The following STRA8 variants were observed in gnomAD, a reference collection of about 807,000 sequenced individuals.
The protein encoded by STRA8 is stimulated by retinoic acid 8.
A neutral mutation model predicts 37.1 loss-of-function variants in STRA8; 18 were observed. The observed-to-expected ratio is 0.48, with a 90% confidence interval of 0.34 to 0.72. The LOEUF (loss-of-function observed/expected upper bound fraction) is 0.72. Among genes scored for constraint, STRA8 ranks in the 30% least tolerant of loss-of-function variants. The probability of loss-of-function intolerance (pLI) is 0.01; values close to 1 mark genes in which losing one functional copy is unlikely to be tolerated. For missense variants in STRA8, 357 were observed against 410.4 expected (o/e 0.87, Z 1.13); for synonymous variants, 168 against 162.9 (o/e 1.03, Z -0.24).
chr7:135,242,710 A>C, intron 2 of STRA8, 71 bp from the exon 3 acceptor site: 1 of 1,494,616 alleles, frequency 6.7e-7, no homozygotes, highest in Non-Finnish European at 9.3e-7. Flanking sequence ...CTGGGAAGGG[A>C]TTCCTGGGTC....
intron 1 of STRA8, among the ~76,000 whole-genome samples, chr7:135,234,934 T>C (rs866655335): frequency 3.3e-5 from 5 of 152,352 alleles, no homozygotes; most frequent in South Asian, 2.1e-4. Context: ...TGGAGTGCAG[T>C]AGCATGATCT....
chr7:135,246,761 T>TG lies in STRA8; in HGVS notation c.879+63dup, dbSNP rs1443586804. ...CACGGGAACCACCCTCGCCCTCGCC[T>TG]GGGGACACCAGGGCTTTGCATTTAG... On this transcript the variant is annotated intron_variant, in intron 6 of 8. Transcript: ENST00000662584. The surrounding 1 kb of genome is among the most constrained non-coding windows in gnomAD (Gnocchi z 5.4). 17 of 1,455,176 alleles carry TG rather than the reference T, an allele frequency of 1.2e-5. No individual in the cohort carries two copies. The highest frequency in any genetic ancestry group is 1.5e-5 in the Non-Finnish European group (17 of 1,107,940). 90.1% of individuals were successfully genotyped at this position (1,455,176 alleles called of 1,614,324 possible).
chr7:135,252,020 G>GTGTA (rs1317352778), intron 7 of STRA8, 151 bp downstream of exon 7: 1 of 674,532 alleles, frequency 1.5e-6, no homozygotes, highest in Admixed American at 2.2e-5. Flanking sequence ...GAGAGTGTGT[G>GTGTA]TGTGTGTGTG....
intron 2 of STRA8, among the ~76,000 whole-genome samples, chr7:135,242,256 AAGGGAAAG>A (rs1832478828): frequency 1.3e-5 from 2 of 150,726 alleles, no homozygotes; most frequent in South Asian, 4.2e-4. Flanking sequence ...GGGAGGGAAA[AAGGGAAAG>A]AGGGAAATTT....
intron 8 of STRA8, among the ~76,000 whole-genome samples, chr7:135,257,367 G>T (rs1232100842): frequency 6.6e-6 from 1 of 152,226 alleles, no homozygotes; most frequent in Non-Finnish European, 1.5e-5. Context: ...GTCATGGAGA[G>T]TCCTGAGGTG....
intron 3 of STRA8, 27 bp downstream of exon 3, chr7:135,242,883 A>G (rs1832489015): frequency 1.2e-6 from 2 of 1,609,120 alleles, no homozygotes; most frequent in East Asian, 2.2e-5. Flanking sequence ...TGCCAACCCC[A>G]TCTCCCTCCC....
chr7:135,233,830 C>T (rs1417084204), upstream of STRA8, among the ~76,000 whole-genome samples: 1 of 152,136 alleles, frequency 6.6e-6, no homozygotes, highest in Non-Finnish European at 1.5e-5. Context: ...ACAGGAACCG[C>T]GATCCCCACT....
At chr7:135,248,038 G>A (rs893254625) in intron 6 of STRA8, among the ~76,000 whole-genome samples, 12 of 152,182 alleles carry the variant, frequency 7.9e-5, no homozygotes, top group Non-Finnish European at 1.5e-4. Flanking sequence ...CTCCTCAGTC[G>A]GGGCGCCTTT....
chr7:135,251,250 G>C (rs905826147), intron 6 of STRA8, among the ~76,000 whole-genome samples: 2 of 152,164 alleles, frequency 1.3e-5, no homozygotes, highest in African/African-American at 4.8e-5. Flanking sequence ...AGACACTAAT[G>C]TGATTCCTGT....
chr7:135,234,088 G>GATTATTATTATTATT (rs1491416343), intron 1 of STRA8, among the ~76,000 whole-genome samples, 185 bp downstream of exon 1: 1 of 148,172 alleles, frequency 6.7e-6, no homozygotes, highest in African/African-American at 2.5e-5. Context: ...GGATGATGAT[G>GATTATTATTATTATT]ATGATGATGA....
Position 135,240,634 on chromosome 7 carries a change from C to T in STRA8, c.110C>T (p.Ala37Val). The change falls in exon 2 of 9, where the codon GCC (alanine) becomes GTC (valine). Residue 37 changes from alanine to valine, a missense_variant. Coordinates refer to ENST00000662584, the MANE Select transcript of STRA8 (RefSeq NM_001394401.1). ...GTGGCCCGGAGACGGCTGTCCCAGG[C>T]CCGCCACCGAGCCACCCTGGCAGCG... ...HRVARRRLSQ[A>V]RHRATLAALF... 1.2e-6 allele frequency: 2 copies of T among 1,614,146 alleles called. No homozygotes were observed. The highest frequency in any genetic ancestry group is 1.7e-6 in the Non-Finnish European group (2 of 1,180,032).
At chr7:135,258,255 G>T (rs1393503524) in intron 8 of STRA8, among the ~76,000 whole-genome samples, 163 bp from the exon 9 acceptor site, 1 of 152,060 alleles carries the variant, frequency 6.6e-6, no homozygotes, top group Non-Finnish European at 1.5e-5. Flanking sequence ...TCCCCCCTTA[G>T]AGCCCTTGCT....
chr7:135,246,182 G>A lies in STRA8; in HGVS notation c.594-235G>A. 1.7e-6 allele frequency: 1 copy of A among 585,892 alleles called. No homozygotes were observed. The highest frequency in any genetic ancestry group is 3.0e-6 in the Non-Finnish European group (1 of 329,718). The allele number at this position is 585,892 out of a possible 1,614,324, so 36.3% of individuals were successfully genotyped here. On this transcript the variant is annotated intron_variant, in intron 5 of 8. Coordinates refer to ENST00000662584, the MANE Select transcript of STRA8 (RefSeq NM_001394401.1). This position sits in a 1 kb window ranked among gnomAD's most constrained non-coding sequence, Gnocchi z 5.4. The stretch of plus-strand genomic sequence containing the variant: ...CTAACACAGAAGGCTTCATGGGGCA[G>A]GGACTGGGAGAACTTGGGGAGGGGC...
chr7:135,246,992 C>A lies in STRA8; in HGVS notation c.879+290C>A. ...CCCGAATAGCTGGGACTACAGGCGC[C>A]CGCCACCACGCCCGGCTAATTTTTT... is the stretch of plus-strand genomic sequence containing the variant. On this transcript the variant is annotated intron_variant, in intron 6 of 8. Coordinates refer to ENST00000662584, the MANE Select transcript of STRA8 (RefSeq NM_001394401.1). This position sits in a 1 kb window ranked among gnomAD's most constrained non-coding sequence, Gnocchi z 5.4. 2.9e-6 allele frequency: 1 copy of A among 344,244 alleles called. No individual in the cohort carries two copies. Among genetic ancestry groups the A allele is most frequent in the Non-Finnish European group, 5.2e-6 (1 of 190,574 alleles). The allele number at this position is 344,244 out of a possible 1,614,324, so 21.3% of individuals were successfully genotyped here.
At chr7:135,252,015 T>TGG in intron 7 of STRA8, 146 bp downstream of exon 7, 1 of 450,264 alleles carries the variant, frequency 2.2e-6, no homozygotes, top group Non-Finnish European at 4.1e-6. Context: ...AGAGAGAGAG[T>TGG]GTGTGTGTGT....
At chr7:135,248,941 C>T (rs1832602497) in intron 6 of STRA8, among the ~76,000 whole-genome samples, 1 of 152,168 alleles carries the variant, frequency 6.6e-6, no homozygotes, top group African/African-American at 2.4e-5. Flanking sequence ...CATGAGAAGA[C>T]ATGCGTTCTG....
In STRA8 at chr7:135,246,492, G is replaced by A; in HGVS notation, c.669G>A (p.Leu223=). Residue 223 remains leucine, a synonymous_variant, in exon 6 of 9, where the codon CTG becomes CTA. Transcript: ENST00000662584. This position sits in a 1 kb window ranked among gnomAD's most constrained non-coding sequence, Gnocchi z 5.4. ...SGIITPQEAA[L]PIVSAAISHL... is the part of the protein sequence containing the mutation. ...TCATTACCCCGCAGGAGGCGGCGCT[G>A]CCCATCGTCTCCGCGGCCATCTCCC... 1.3e-6 allele frequency: 2 copies of A among 1,582,068 alleles called. No homozygotes were observed. The highest frequency in any genetic ancestry group is 2.3e-5 in the South Asian group (2 of 86,806).
chr7:135,249,734 T>C (rs1276027412), intron 6 of STRA8, among the ~76,000 whole-genome samples: 3 of 152,260 alleles, frequency 2.0e-5, no homozygotes, highest in African/African-American at 7.2e-5. Flanking sequence ...ACCAAATGCC[T>C]GAGCAATTCT....
At chr7:135,244,904 G>A (rs1177158229) in intron 4 of STRA8, among the ~76,000 whole-genome samples, 1 of 152,192 alleles carries the variant, frequency 6.6e-6, no homozygotes, top group Non-Finnish European at 1.5e-5. Context: ...ATCAAGAGGG[G>A]AAACTGTCTT....
Sources: allele counts gnomAD v4.1 joint callset (sites outside exome capture counted in the v4.1 genomes callset), GRCh38; gene constraint gnomAD v4.1.1; non-coding constraint Gnocchi (gnomAD v3.1); transcripts MANE v1.5; gene names NCBI Gene and HGNC (gene_info 2026-07-23, HGNC 2026-07-21).